Variants in TAF3 observed in about 807,000 individuals in gnomAD.
The protein encoded by TAF3 is TATA-box binding protein associated factor 3, also known as transcription initiation factor TFIID subunit 3.
In TAF3, 7 loss-of-function variants were observed where a neutral mutation model predicts 80.6. The ratio of observed to expected loss-of-function variants is 0.09; its 90% CI spans 0.05 to 0.16. The LOEUF is 0.16. Ranked by LOEUF, TAF3 falls within the 10% of genes least tolerant of loss-of-function variation. The pLI is 1.00. For missense variants in TAF3, 921 were observed against 1,140.2 expected, an observed-to-expected ratio of 0.81 and a Z score of 2.77; for synonymous variants, 444 against 446.1, an observed-to-expected ratio of 1.00 and a Z score of 0.06.
At chr10:7,912,379 C>A (rs1837664837) in intron 2 of TAF3, among the ~76,000 whole-genome samples, 1 of 152,148 alleles carries the variant, frequency 6.6e-6, no homozygotes, top group African/African-American at 2.4e-5. Flanking sequence ...GAATTGCAAG[C>A]ATGAGCCACT....
chr10:7,985,221 C>T (rs775308907), intron 4 of TAF3, among the ~76,000 whole-genome samples: 2 of 152,210 alleles, frequency 1.3e-5, no homozygotes, highest in Admixed American at 1.3e-4. Flanking sequence ...GCTGATTAGA[C>T]TTGCCTTTTG....
chr10:7,837,094 GGCTCACACCTGTGATCCCA>G, intron 2 of TAF3, among the ~76,000 whole-genome samples: 1 of 152,310 alleles, frequency 6.6e-6, no homozygotes, highest in African/African-American at 2.4e-5. Context: ...CAGGCGTGGT[GGCTCACACCTGTGATCCCA>G]GCACTTTGGG....
chr10:7,856,300 A>T (rs911876983), intron 2 of TAF3, among the ~76,000 whole-genome samples: 1 of 152,038 alleles, frequency 6.6e-6, no homozygotes. Flanking sequence ...GCATGGTGAA[A>T]CCCCGTCTCT....
At chr10:7,936,013 T>C (rs1423253011) in intron 2 of TAF3, among the ~76,000 whole-genome samples, 1 of 152,090 alleles carries the variant, frequency 6.6e-6, no homozygotes, top group African/African-American at 2.4e-5. Flanking sequence ...CAGCAAGTCC[T>C]GATGGAGGCT....
At chr10:7,971,118 A>G (rs1419273802) in intron 3 of TAF3, among the ~76,000 whole-genome samples, 1 of 152,198 alleles carries the variant, frequency 6.6e-6, no homozygotes, top group Non-Finnish European at 1.5e-5. Context: ...CTGAGCACGG[A>G]CGGGAAAGCT....
At position 8,014,779 on chromosome 10, in the gene TAF3, G is replaced by A. The variant is rs764798950; in HGVS notation, c.*28G>A. 6.4e-7 allele frequency: 1 copy of A among 1,551,600 alleles called. No individual in the cohort carries two copies. Among genetic ancestry groups the A allele is most frequent in the East Asian group, 2.4e-5 (1 of 41,088 alleles). ...ACTCCCGAGGGGCTGGACCAAGCGGGGTCAGCCCGGGCTTCTTCCCTGGCG... is the reference window on the plus strand; with the variant it reads ...ACTCCCGAGGGGCTGGACCAAGCGGAGTCAGCCCGGGCTTCTTCCCTGGCG... On this transcript the variant is annotated 3_prime_UTR_variant, in exon 7 of 7. Coordinates refer to ENST00000344293, the MANE Select transcript of TAF3 (RefSeq NM_031923.4).
chr10:7,994,057 CCTT>C (rs892680397), intron 4 of TAF3, among the ~76,000 whole-genome samples: 7 of 146,886 alleles, frequency 4.8e-5, no homozygotes, highest in African/African-American at 5.1e-5. Context: ...TCCCCCTACC[CCTT>C]CTTCTCTCTC....
chr10:7,917,782 G>A (rs942943362), intron 2 of TAF3, among the ~76,000 whole-genome samples: 11 of 152,184 alleles, frequency 7.2e-5, no homozygotes, highest in African/African-American at 2.4e-4. Context: ...TGGGAATGAA[G>A]AAGGAAATAC....
At chr10:7,958,999 G>T (rs1185427208) in intron 2 of TAF3, among the ~76,000 whole-genome samples, 1 of 152,030 alleles carries the variant, frequency 6.6e-6, no homozygotes, top group Non-Finnish European at 1.5e-5. Context: ...AATTAGCCGG[G>T]CGTGGTGACG....
chr10:7,988,572 C>CAAAAAAAAAAAAAAAAAA (rs58825999), intron 4 of TAF3, among the ~76,000 whole-genome samples: 5 of 49,282 alleles, frequency 1.0e-4, no homozygotes, highest in Non-Finnish European at 1.6e-4. Context: ...GACCCTGTCT[C>CAAAAAAAAAAAAAAAAAA]AAAAAAAAAA....
At chr10:7,888,353 A>G (rs916903950) in intron 2 of TAF3, among the ~76,000 whole-genome samples, 8 of 152,214 alleles carry the variant, frequency 5.3e-5, no homozygotes, top group Non-Finnish European at 1.2e-4. Context: ...GACAGTGGAG[A>G]AAGTGTTTAA....
Position 7,863,678 on chromosome 10 carries a change from T to TATATACACACACATATATATACACACAC in TAF3, c.409+39123_409+39124insCACACACATATATATACACACACATATA, listed in dbSNP as rs1554778386. Among the ~76,000 whole-genome samples, 744 of 81,506 alleles carry TATATACACACACATATATATACACACAC rather than the reference T, an allele frequency of 9.1e-3. 87 individuals are homozygous for TATATACACACACATATATATACACACAC. Among genetic ancestry groups the TATATACACACACATATATATACACACAC allele is most frequent in the East Asian group, 0.034 (37 of 1,092 alleles). The allele number at this position is 81,506 out of a possible 152,430, so 53.5% of individuals were successfully genotyped here. ...ACACATATATATATACACACATATATATATATACACACACATATATATATA... is the reference window on the plus strand; with the variant it reads ...ACACATATATATATACACACATATATATATACACACACATATATATACACACACATATATACACACACATATATATATA... On this transcript the variant is annotated intron_variant, in intron 2 of 6. Transcript: ENST00000344293.
chr10:7,883,060 A>T (rs1003488604), intron 2 of TAF3, among the ~76,000 whole-genome samples: 3 of 152,218 alleles, frequency 2.0e-5, no homozygotes, highest in East Asian at 1.9e-4. Flanking sequence ...CAAAATAAGG[A>T]AATTAACATT....
intron 4 of TAF3, among the ~76,000 whole-genome samples, chr10:7,999,455 GAAGT>G (rs1831922325): frequency 6.9e-6 from 1 of 145,948 alleles, no homozygotes; most frequent in South Asian, 2.2e-4. Context: ...AAGAAAGAAA[GAAGT>G]TTTTTTTTTT....
chr10:7,925,796 C>T (rs1431835175), intron 2 of TAF3, among the ~76,000 whole-genome samples: 3 of 38,184 alleles, frequency 7.9e-5, no homozygotes, highest in Non-Finnish European at 2.2e-4. Flanking sequence ...GAAACTCCAT[C>T]TCAAAAAAAA....
intron 1 of TAF3, among the ~76,000 whole-genome samples, chr10:7,819,875 C>T (rs922866196): frequency 1.3e-5 from 2 of 152,178 alleles, no homozygotes; most frequent in African/African-American, 4.8e-5. Flanking sequence ...CCCCAAGTTT[C>T]GTTCCCGCTT....
chr10:7,868,157 T>G (rs966311479), intron 2 of TAF3, among the ~76,000 whole-genome samples: 1 of 152,172 alleles, frequency 6.6e-6, no homozygotes, highest in Non-Finnish European at 1.5e-5. Context: ...AAAGCCATGT[T>G]GTTCAAGGGT....
At chr10:7,901,634 G>C (rs1837559594) in intron 2 of TAF3, among the ~76,000 whole-genome samples, 1 of 152,094 alleles carries the variant, frequency 6.6e-6, no homozygotes, top group East Asian at 1.9e-4. Context: ...CTCACTGTGA[G>C]GTGTGCATTG....
chr10:7,831,021 G>A (rs769037793), intron 2 of TAF3, among the ~76,000 whole-genome samples: 4 of 152,164 alleles, frequency 2.6e-5, no homozygotes, highest in African/African-American at 9.7e-5. Flanking sequence ...ACTTTTGTTG[G>A]TGTTAGCAGT....
Sources: gnomAD v4.1 joint callset for allele counts (sites outside exome capture counted in the v4.1 genomes callset) on GRCh38, gnomAD v4.1.1 for gene constraint, MANE v1.5 for transcripts, NCBI Gene and HGNC (gene_info 2026-07-23, HGNC 2026-07-21) for gene names.